PCDHGA6: variants seen among roughly 807,000 people sequenced by gnomAD.
PCDHGA6 encodes the protein protocadherin gamma-A6.
Under a neutral mutation model 60.6 loss-of-function variants are expected in PCDHGA6, and 41 were observed. The ratio of observed to expected loss-of-function variants is 0.68; its 90% CI spans 0.53 to 0.88. PCDHGA6 has a LOEUF of 0.88. Among genes scored for constraint, PCDHGA6 ranks in the 40% least tolerant of loss-of-function variants. The pLI, the probability that PCDHGA6 is intolerant of heterozygous loss-of-function variation, is 0.00. For synonymous variants in PCDHGA6, 594 were observed against 524.4 expected (o/e 1.13, Z -1.81); for missense variants, 1,312 against 1,203.0 (o/e 1.09, Z -1.34).
In PCDHGA6 at chr5:141,490,861, T is replaced by C. The variant is rs1465042036; in HGVS notation, c.2425-3946T>C. The C allele has an allele frequency of 1.2e-6, 2 of 1,613,816 alleles. No individual in the cohort carries two copies. Among genetic ancestry groups the C allele is most frequent in the Non-Finnish European group, 1.7e-6 (2 of 1,179,920 alleles). On this transcript the variant is annotated intron_variant, in intron 1 of 3. Coordinates refer to ENST00000517434, the MANE Select transcript of PCDHGA6 (RefSeq NM_018919.3). The surrounding 1 kb of genome is among the most constrained non-coding windows in gnomAD (Gnocchi z 5.4). Reference sequence around the variant, plus strand: ...TGTGGTGGGGGTTCGAGACTCCGGCTCTCCCCCATTGCATGCCAACACATC... The same window carrying C: ...TGTGGTGGGGGTTCGAGACTCCGGCCCTCCCCCATTGCATGCCAACACATC...
intron 1 of PCDHGA6, chr5:141,383,576 C>T (rs1298305290): frequency 6.2e-7 from 1 of 1,613,446 alleles, no homozygotes; most frequent in Non-Finnish European, 8.5e-7. Flanking sequence ...TCCAGCACCG[C>T]CCACATCCAG....
At chr5:141,473,270 T>C (rs538574742) in intron 1 of PCDHGA6, among the ~76,000 whole-genome samples, 4 of 152,326 alleles carry the variant, frequency 2.6e-5, no homozygotes, top group African/African-American at 9.6e-5. Context: ...GTGTATGCTA[T>C]GATTATTTTA....
rs780395794 is a variant in PCDHGA6, at chr5:141,489,685, G to A, written c.2425-5122G>A. ...GCGCATCTCAGAATCAGCAGCATCT[G>A]GGGCACGATTCCCACTGGACAGTGC... On this transcript the variant is annotated intron_variant, in intron 1 of 3. Coordinates refer to ENST00000517434, the MANE Select transcript of PCDHGA6 (RefSeq NM_018919.3). The surrounding 1 kb of genome is among the most constrained non-coding windows in gnomAD (Gnocchi z 4.5). 10 of 1,614,142 alleles carry A rather than the reference G, an allele frequency of 6.2e-6. No individual in the cohort carries two copies. The South Asian group carries it at 1.1e-4, about 18-fold the overall frequency.
chr5:141,472,623 TAA>T (rs2099291037), intron 1 of PCDHGA6, among the ~76,000 whole-genome samples: 1 of 152,018 alleles, frequency 6.6e-6, no homozygotes, highest in Non-Finnish European at 1.5e-5. Context: ...AGAAAAAAGA[TAA>T]AGACTGGGAA....
In PCDHGA6 at chr5:141,376,236, G is replaced by T. The variant is rs202155785; in HGVS notation, c.2153G>T (p.Arg718Leu). ...GTGCTGCTGGCGCTCAGACTGCAGCGCTGGCACAAGTCACGCCTGCTGCAG... is the reference window on the plus strand; with the variant it reads ...GTGCTGCTGGCGCTCAGACTGCAGCTCTGGCACAAGTCACGCCTGCTGCAG... ...VIVLLALRLQ[R>L]WHKSRLLQAS... Residue 718 changes from arginine (R) to leucine (L), a missense_variant, in exon 1 of 4, where the codon CGC (arginine) becomes CTC (leucine). Physicochemically the swap from Arg to Leu is moderately radical, Grantham distance 102. Coordinates refer to ENST00000517434, the MANE Select transcript of PCDHGA6 (RefSeq NM_018919.3). The T allele has an allele frequency of 2.8e-3, 4,477 of 1,614,208 alleles. 145 individuals carry two copies. In the South Asian group the frequency reaches 0.046, roughly 17 times the overall value.
chr5:141,473,367 T>C (rs1343477225), intron 1 of PCDHGA6, among the ~76,000 whole-genome samples: 1 of 152,178 alleles, frequency 6.6e-6, no homozygotes, highest in Non-Finnish European at 1.5e-5. Flanking sequence ...GCCACCAAAA[T>C]AGCATGGTCC....
chr5:141,441,865 G>T, intron 1 of PCDHGA6: 1 of 345,726 alleles, frequency 2.9e-6, no homozygotes. Context: ...GCACGCCGCG[G>T]AGCCTGGCTA....
Position 141,503,010 on chromosome 5 carries a change from AT to A in PCDHGA6, c.2484-2371del, listed in dbSNP as rs199924715. ...AGGCGTGTGCCACCATGCCCGGTTA[AT>A]TTTTTTTTTTTAATATCTATTTTAG... On this transcript the variant is annotated intron_variant, in intron 2 of 3. Coordinates refer to ENST00000517434, the MANE Select transcript of PCDHGA6 (RefSeq NM_018919.3). Among the ~76,000 whole-genome samples the A allele has an allele frequency of 6.8e-3, 997 of 146,562 alleles. 9 individuals are homozygous for A. The highest frequency in any genetic ancestry group is 0.023 in the African/African-American group (916 of 39,838).
At position 141,512,346 on chromosome 5, in the gene PCDHGA6, G is replaced by A. The variant is rs1391003897; in HGVS notation, c.*1173G>A. ...CAGGCCATTCTTAGTCCCTGGGTTG[G>A]GGAGGCAGGGAGCTAGGGCAGGGAC... On this transcript the variant is annotated 3_prime_UTR_variant, in exon 4 of 4. Transcript: ENST00000517434. 6.5e-6 allele frequency: 1 copy of A among 152,876 alleles called. No individual in the cohort carries two copies. Among genetic ancestry groups the A allele is most frequent in the Non-Finnish European group, 1.5e-5 (1 of 68,232 alleles). 9.5% of individuals were successfully genotyped at this position (152,876 alleles called of 1,614,324 possible). A position where few individuals can be genotyped will look rare whatever the true frequency, so the allele number is the denominator to read the frequency against.
intron 2 of PCDHGA6, among the ~76,000 whole-genome samples, chr5:141,502,845 T>G (rs2099816267): frequency 6.8e-6 from 1 of 147,606 alleles, no homozygotes; most frequent in South Asian, 2.1e-4. Context: ...CTGGCTGAGC[T>G]GCCTAACCCT....
At chr5:141,424,036 C>T (rs2096796408) in intron 1 of PCDHGA6, 1 of 1,029,488 alleles carries the variant, frequency 9.7e-7, no homozygotes, top group Non-Finnish European at 1.2e-6. Flanking sequence ...CTTTTTATTT[C>T]CATTTCAATT....
chr5:141,427,705 C>T (rs2097059995), intron 1 of PCDHGA6: 1 of 983,052 alleles, frequency 1.0e-6, no homozygotes, highest in African/African-American at 1.6e-5. Flanking sequence ...CAAGTCAGCG[C>T]CTCTGACCTG....
chr5:141,383,971 G>GAA, intron 1 of PCDHGA6: 1 of 1,613,662 alleles, frequency 6.2e-7, no homozygotes, highest in African/African-American at 1.3e-5. Context: ...CTCAATCCCT[G>GAA]AAGACACACC....
At chr5:141,409,071 A>G in intron 1 of PCDHGA6, 4 of 1,613,996 alleles carry the variant, frequency 2.5e-6, no homozygotes, top group Non-Finnish European at 3.4e-6. Context: ...AGCACAAAAC[A>G]TATGTTCTCA....
intron 2 of PCDHGA6, among the ~76,000 whole-genome samples, chr5:141,498,882 G>A (rs1287566657): frequency 6.8e-6 from 1 of 147,420 alleles, no homozygotes; most frequent in African/African-American, 2.5e-5. Context: ...GCAGTGAGCT[G>A]AGATCACACC....
chr5:141,451,532 G>T (rs1168984212), intron 1 of PCDHGA6, among the ~76,000 whole-genome samples: 1 of 152,180 alleles, frequency 6.6e-6, no homozygotes, highest in African/African-American at 2.4e-5. Flanking sequence ...AAAGGAGAGT[G>T]CCAGAGAGGG....
intron 1 of PCDHGA6, among the ~76,000 whole-genome samples, chr5:141,467,665 G>T (rs1205474808): frequency 4.6e-5 from 7 of 152,040 alleles, no homozygotes; most frequent in Non-Finnish European, 1.0e-4. Flanking sequence ...AGTGCCAGAA[G>T]ATTTTTATTT....
intron 1 of PCDHGA6, chr5:141,377,860 A>G (rs1236316198): frequency 6.6e-6 from 1 of 152,192 alleles, no homozygotes; most frequent in Non-Finnish European, 1.5e-5. Context: ...ATTAAGATTT[A>G]AAAGACTTCT....
intron 1 of PCDHGA6, chr5:141,389,404 C>G (rs2091742660): frequency 6.2e-7 from 1 of 1,613,498 alleles, no homozygotes; most frequent in African/African-American, 1.3e-5. Flanking sequence ...TCCATAAGCG[C>G]GGAGAGCGGG....
Sources: gnomAD v4.1 joint callset for allele counts (sites outside exome capture counted in the v4.1 genomes callset) on GRCh38, gnomAD v4.1.1 for gene constraint, Gnocchi (gnomAD v3.1) non-coding constraint, MANE v1.5 for transcripts, NCBI Gene and HGNC (gene_info 2026-07-23, HGNC 2026-07-21) for gene names.